Variants in BDP1 observed in about 807,000 individuals in gnomAD.
BDP1 encodes BDP1 general transcription factor IIIB subunit.
In BDP1, 169 loss-of-function variants were observed where a neutral mutation model predicts 266.6. The ratio of observed to expected loss-of-function variants is 0.63; its 90% CI spans 0.56 to 0.72. BDP1 has a LOEUF of 0.72. BDP1 is among the 30% of genes least tolerant of loss of function. The pLI is 0.00. For missense variants in BDP1, 3,015 were observed against 3,053.8 expected, an observed-to-expected ratio of 0.99 and a Z score of 0.30; for synonymous variants, 1,090 against 1,022.4, an observed-to-expected ratio of 1.07 and a Z score of -1.26.
chr5:71,509,033 C>T (rs1422875819), intron 16 of BDP1, among the ~76,000 whole-genome samples: 1 of 152,092 alleles, frequency 6.6e-6, no homozygotes, highest in Non-Finnish European at 1.5e-5. Context: ...ATACTTGTAT[C>T]CAGGTATTTG....
chr5:71,468,939 C>T (rs1057223071), intron 6 of BDP1, among the ~76,000 whole-genome samples: 1 of 152,082 alleles, frequency 6.6e-6, no homozygotes, highest in African/African-American at 2.4e-5. Context: ...GAATAATGTT[C>T]TACCTCAGAT....
At chr5:71,563,417 A>G (rs1743816554) in intron 38 of BDP1, among the ~76,000 whole-genome samples, 1 of 152,132 alleles carries the variant, frequency 6.6e-6, no homozygotes, top group Non-Finnish European at 1.5e-5. Context: ...AATTACAGGC[A>G]TGAGCCACTG....
At chr5:71,490,944 G>T (rs1312122284) in intron 10 of BDP1, 40 bp from the exon 11 acceptor site, 2 of 1,561,250 alleles carry the variant, frequency 1.3e-6, no homozygotes, top group Non-Finnish European at 8.7e-7. Context: ...AGATGTTTTT[G>T]CTGTCATTTT....
At chr5:71,519,076 T>C (rs748830803) in intron 22 of BDP1, among the ~76,000 whole-genome samples, 6 of 152,000 alleles carry the variant, frequency 3.9e-5, no homozygotes, top group Non-Finnish European at 5.9e-5. Flanking sequence ...CACCTCAGCC[T>C]CCCAAAGTGC....
Position 71,490,957 on chromosome 5 carries a change from A to G in BDP1, c.1493-27A>G, listed in dbSNP as rs758131863. 7 of 1,563,234 alleles carry G rather than the reference A, an allele frequency of 4.5e-6. No individual in the cohort carries two copies. The Admixed American group carries it at 5.8e-5, about 13-fold the overall frequency. The stretch of plus-strand genomic sequence containing the variant: ...AAAGATGTTTTTGCTGTCATTTTTT[A>G]GAATAACATGCATTTTGTATTTGTA... On this transcript the variant is annotated intron_variant, in intron 10 of 38. Transcript: ENST00000358731.
At chr5:71,523,902 G>A (rs1459856567) in intron 24 of BDP1, 37 bp from the exon 25 acceptor site, 1 of 1,527,202 alleles carries the variant, frequency 6.5e-7, no homozygotes, top group Non-Finnish European at 8.8e-7. Context: ...ATCCTTGCAT[G>A]CATATGACCT....
chr5:71,463,079 C>T (rs2150350237), intron 3 of BDP1, among the ~76,000 whole-genome samples: 1 of 152,136 alleles, frequency 6.6e-6, no homozygotes, highest in Non-Finnish European at 1.5e-5. Flanking sequence ...CACCACTGCA[C>T]TCCAGCCTGG....
At position 71,560,232 on chromosome 5, in the gene BDP1, A is replaced by G. The variant is rs561130376; in HGVS notation, c.7491A>G (p.Leu2497=). The G allele has an allele frequency of 1.8e-5, 29 of 1,613,694 alleles. No homozygotes were observed. In the East Asian group the frequency reaches 5.3e-4, roughly 30 times the overall value. The change falls in exon 37 of 39, where the codon CTA becomes CTG. Residue 2497 remains leucine, a synonymous_variant. Coordinates refer to ENST00000358731, the MANE Select transcript of BDP1 (RefSeq NM_018429.3). ...GAACATCGTCTTCTAAAGCCTCACT[A>G]TCCAGGTATCATGAACAAATCTTTA... ...DSRTSSSKAS[L]SRPGRRPLGF...
downstream of BDP1, among the ~76,000 whole-genome samples, chr5:71,569,767 ACTCG>A (rs1372445515): frequency 2.0e-5 from 3 of 151,682 alleles, no homozygotes; most frequent in African/African-American, 7.3e-5. Context: ...AAACACACAC[ACTCG>A]CAGTGCCTGG....
Position 71,458,867 on chromosome 5 carries a change from G to T in BDP1, c.489+12G>T. The T allele has an allele frequency of 6.3e-7, 1 of 1,596,560 alleles. No individual in the cohort carries two copies. Reference sequence around the variant, plus strand: ...TGAGAAAAGAGAAGGTAAGGGAGGAGAATCAGGATTTTGATGTTGCCTTCT... The same window carrying T: ...TGAGAAAAGAGAAGGTAAGGGAGGATAATCAGGATTTTGATGTTGCCTTCT... On this transcript the variant is annotated intron_variant, in intron 2 of 38. Coordinates refer to ENST00000358731, the MANE Select transcript of BDP1 (RefSeq NM_018429.3).
chr5:71,467,882 G>A (rs931016026), intron 6 of BDP1, among the ~76,000 whole-genome samples: 6 of 152,030 alleles, frequency 3.9e-5, no homozygotes, highest in African/African-American at 1.4e-4. Context: ...ATTGATTGCC[G>A]AGGCTGGAGT....
chr5:71,516,367 C>A, intron 21 of BDP1, 96 bp downstream of exon 21: 1 of 879,080 alleles, frequency 1.1e-6, no homozygotes, highest in South Asian at 1.8e-5. Flanking sequence ...GCATCTGACA[C>A]TTATTCTACT....
At position 71,541,698 on chromosome 5, in the gene BDP1, C is replaced by A; in HGVS notation, c.6251+16C>A. 1 of 1,441,578 alleles carries A rather than the reference C, an allele frequency of 6.9e-7. No homozygotes were observed. The highest frequency in any genetic ancestry group is 9.4e-7 in the Non-Finnish European group (1 of 1,059,644). 89.3% of individuals were successfully genotyped at this position (1,441,578 alleles called of 1,614,324 possible). ...CACCAACCAGGTTTATTTTAGTATT[C>A]AATTAATAAATATTACTAAAACCAC... On this transcript the variant is annotated intron_variant, in intron 29 of 38. Coordinates refer to ENST00000358731, the MANE Select transcript of BDP1 (RefSeq NM_018429.3).
chr5:71,495,221 T>A, intron 11 of BDP1, 29 bp from the exon 12 acceptor site: 1 of 1,412,058 alleles, frequency 7.1e-7, no homozygotes, highest in Non-Finnish European at 9.6e-7. Context: ...AGGAATTCTT[T>A]TCTCTCTGAA....
chr5:71,546,373 C>T (rs1424386500), intron 32 of BDP1, among the ~76,000 whole-genome samples: 1 of 151,944 alleles, frequency 6.6e-6, no homozygotes, highest in Non-Finnish European at 1.5e-5. Flanking sequence ...AATCCCAGTA[C>T]TTTGGGAGGC....
At position 71,461,859 on chromosome 5, in the gene BDP1, C is replaced by A. The variant is rs1177751215; in HGVS notation, c.532C>A (p.Pro178Thr). ...ATATGCTATAAATGAAAGTCAGAGG[C>A]CACCAGATCGTTCAAAAATGACTAT... Reference protein sequence around the residue: ...NKYAINESQRPPDRSKMTMRD... With the variant: ...NKYAINESQRTPDRSKMTMRD... Residue 178 changes from proline to threonine, a missense_variant, in exon 3 of 39, where the codon CCA becomes ACA. Transcript: ENST00000358731. The A allele has an allele frequency of 6.2e-7, 1 of 1,608,854 alleles. No homozygotes were observed. The highest frequency in any genetic ancestry group is 8.5e-7 in the Non-Finnish European group (1 of 1,176,648).
intron 25 of BDP1, among the ~76,000 whole-genome samples, chr5:71,525,710 A>T: frequency 7.7e-6 from 1 of 130,228 alleles, no homozygotes; most frequent in Non-Finnish European, 1.6e-5. Flanking sequence ...TCCCTTCCGG[A>T]CGGGGCGGCT....
At chr5:71,518,835 CTTT>C (rs35834219) in intron 22 of BDP1, among the ~76,000 whole-genome samples, 12 of 128,628 alleles carry the variant, frequency 9.3e-5, no homozygotes, top group Admixed American at 2.4e-4. Context: ...GTATGGATTA[CTTT>C]TTTTTTTTTT....
chr5:71,483,798 G>A (rs1763100590), intron 7 of BDP1, 44 bp from the exon 8 acceptor site: 2 of 1,479,358 alleles, frequency 1.4e-6, no homozygotes, highest in Non-Finnish European at 9.4e-7. Flanking sequence ...AAAAATGCTT[G>A]TTTTATGAGA....
Sources: allele counts gnomAD v4.1 joint callset (sites outside exome capture counted in the v4.1 genomes callset), GRCh38; gene constraint gnomAD v4.1.1; transcripts MANE v1.5; gene names NCBI Gene and HGNC (gene_info 2026-07-23, HGNC 2026-07-21).